The following CHUK variants were observed in gnomAD, a reference collection of about 807,000 sequenced individuals.
CHUK encodes inhibitor of nuclear factor kappa-B kinase subunit alpha.
In CHUK, 35 loss-of-function variants were observed where a neutral mutation model predicts 104.8. The observed-to-expected ratio is 0.33, with a 90% confidence interval of 0.26 to 0.44. The LOEUF is 0.44. Among genes scored for constraint, CHUK ranks in the 20% least tolerant of loss-of-function variants. The pLI, the probability that CHUK is intolerant of heterozygous loss-of-function variation, is 1.00. For synonymous variants in CHUK, 276 were observed against 291.9 expected (o/e 0.95, Z 0.56); for missense variants, 663 against 902.7 (o/e 0.73, Z 3.40).
chr10:100,197,358 A>G (rs1845357063), intron 16 of CHUK, among the ~76,000 whole-genome samples: 1 of 152,156 alleles, frequency 6.6e-6, no homozygotes, highest in Non-Finnish European at 1.5e-5. Context: ...TTGACTCTAC[A>G]TCAACTTTTA....
chr10:100,218,572 CAT>C, intron 8 of CHUK, 144 bp downstream of exon 8: 1 of 690,066 alleles, frequency 1.4e-6, no homozygotes, highest in South Asian at 1.6e-5. Context: ...TCAATAACCT[CAT>C]GTGGCCAACA....
rs114551538 is a variant in CHUK at position 100,204,180 on chromosome 10, T to A, written c.1507+326A>T. Among the ~76,000 whole-genome samples, 1,120 of 152,326 alleles carry A rather than the reference T, an allele frequency of 7.4e-3. 20 individuals are homozygous for A. The highest frequency in any genetic ancestry group is 0.025 in the African/African-American group (1,043 of 41,574). On this transcript the variant is annotated intron_variant, in intron 13 of 20. Transcript: ENST00000370397. ...TTCAACATATGTATTTTGGGGGGGATACATTCAGTCCACAGCACTGGCTAA... is the reference window on the plus strand; with the variant it reads ...TTCAACATATGTATTTTGGGGGGGAAACATTCAGTCCACAGCACTGGCTAA...
At chr10:100,217,774 G>A (rs1321630041) in intron 9 of CHUK, among the ~76,000 whole-genome samples, 3 of 152,180 alleles carry the variant, frequency 2.0e-5, no homozygotes, top group African/African-American at 7.2e-5. Context: ...CTACTCGGGA[G>A]GCTGAGGCAA....
At chr10:100,215,771 T>C (rs1845841532) in intron 9 of CHUK, among the ~76,000 whole-genome samples, 1 of 152,166 alleles carries the variant, frequency 6.6e-6, no homozygotes, top group Non-Finnish European at 1.5e-5. Context: ...TATATAAACA[T>C]TTTGGGAAAA....
At chr10:100,228,028 G>A (rs1188249799) in intron 1 of CHUK, among the ~76,000 whole-genome samples, 2 of 152,096 alleles carry the variant, frequency 1.3e-5, no homozygotes, top group East Asian at 1.9e-4. Context: ...AATTAATGAG[G>A]AGCATTATGA....
intron 16 of CHUK, chr10:100,195,797 CAAA>C (rs930928716): frequency 1.1e-4 from 16 of 152,214 alleles, no homozygotes; most frequent in African/African-American, 3.9e-4. Flanking sequence ...AGGTGACACT[CAAA>C]GAAGCTACCT....
At chr10:100,199,163 G>T (rs1373907879) in intron 16 of CHUK, among the ~76,000 whole-genome samples, 1 of 152,132 alleles carries the variant, frequency 6.6e-6, no homozygotes, top group Non-Finnish European at 1.5e-5. Flanking sequence ...TTTAGCAGAT[G>T]TTCAACTGGA....
Position 100,229,523 on chromosome 10 carries a change from G to T in CHUK, c.10C>A (p.Pro4Thr). The T allele has an allele frequency of 6.5e-7, 1 of 1,545,802 alleles. No individual in the cohort carries two copies. ...CCCGCGCCCGGCCGCAGCCCCGGGGGCCGCTCCATGGGGCGGGAGGGCAAG... is the reference window on the plus strand; with the variant it reads ...CCCGCGCCCGGCCGCAGCCCCGGGGTCCGCTCCATGGGGCGGGAGGGCAAG... MER[P>T]PGLRPGAGGP... The change falls in exon 1 of 21, where the codon CCC becomes ACC. Residue 4 changes from proline to threonine, a missense_variant. Physicochemically the swap from Pro to Thr is conservative, Grantham distance 38. Around this residue, in one of 5 missense-constraint regions of CHUK, gnomAD observed 44 missense variants for 39.2 expected, o/e 1.12. Transcript: ENST00000370397.
intron 1 of CHUK, among the ~76,000 whole-genome samples, chr10:100,228,985 GCGCGCGCGCACACA>G: frequency 1.1e-5 from 1 of 87,074 alleles, no homozygotes; most frequent in South Asian, 3.2e-4. Flanking sequence ...AAGCGCGCGC[GCGCGCGCGCACACA>G]CACACACACA....
chr10:100,186,624 AAAGT>A (rs1845011549), downstream of CHUK: 1 of 152,314 alleles, frequency 6.6e-6, no homozygotes. Context: ...CAGGGAGACC[AAAGT>A]AAGTACTTCA....
intron 4 of CHUK, 91 bp from the exon 5 acceptor site, chr10:100,220,767 T>C: frequency 1.3e-6 from 1 of 790,872 alleles, no homozygotes; most frequent in Non-Finnish European, 2.2e-6. Context: ...TCTACTCTGA[T>C]GCTCAAGTTT....
At chr10:100,211,777 A>T (rs1845733547) in intron 9 of CHUK, among the ~76,000 whole-genome samples, 2 of 152,222 alleles carry the variant, frequency 1.3e-5, no homozygotes, top group African/African-American at 4.8e-5. Flanking sequence ...TATTGTGAAT[A>T]ATGCTGCAAT....
intron 2 of CHUK, among the ~76,000 whole-genome samples, chr10:100,225,628 C>A (rs1472439231): frequency 6.6e-6 from 1 of 152,134 alleles, no homozygotes; most frequent in Non-Finnish European, 1.5e-5. Context: ...AATGGAATTG[C>A]TGGATCATAT....
At chr10:100,204,796 G>T in intron 12 of CHUK, 139 bp from the exon 13 acceptor site, 2 of 785,438 alleles carry the variant, frequency 2.5e-6, no homozygotes, top group Non-Finnish European at 4.0e-6. Context: ...AAATAACTGA[G>T]CTCTAGAATC....
chr10:100,196,096 G>A (rs1021572390), intron 16 of CHUK, among the ~76,000 whole-genome samples: 5 of 152,098 alleles, frequency 3.3e-5, no homozygotes, highest in Non-Finnish European at 7.4e-5. Flanking sequence ...GTGCCACGAC[G>A]CCTGGCCCAG....
Position 100,194,411 on chromosome 10 carries a change from A to G in CHUK, c.1826+14T>C. On this transcript the variant is annotated intron_variant, in intron 17 of 20. Transcript: ENST00000370397. ...ATCCTGGTTTTTCAGTAGGAAATGA[A>G]GCAATTTTCCTACCTCAAATGACCA... 1 of 1,555,466 alleles carries G rather than the reference A, an allele frequency of 6.4e-7. No individual in the cohort carries two copies. The highest frequency in any genetic ancestry group is 8.9e-7 in the Non-Finnish European group (1 of 1,126,498).
At chr10:100,227,052 T>C (rs1006998755) in intron 1 of CHUK, among the ~76,000 whole-genome samples, 7 of 152,210 alleles carry the variant, frequency 4.6e-5, no homozygotes, top group Non-Finnish European at 7.3e-5. Context: ...CTATGTCCCA[T>C]GCAGGCCTTT....
chr10:100,215,046 C>A (rs969953880), intron 9 of CHUK, among the ~76,000 whole-genome samples: 11 of 151,704 alleles, frequency 7.3e-5, no homozygotes, highest in Non-Finnish European at 5.9e-5. Context: ...ACCAGCCTGG[C>A]CAACATGGTG....
intron 16 of CHUK, chr10:100,195,059 T>C (rs1265940440): frequency 1.3e-5 from 2 of 152,800 alleles, no homozygotes; most frequent in Non-Finnish European, 2.9e-5. Flanking sequence ...GAAAGTTCCA[T>C]TTGAGGGCAG....
Sources: gnomAD v4.1 joint callset for allele counts (sites outside exome capture counted in the v4.1 genomes callset) on GRCh38, gnomAD v4.1.1 for gene constraint, gnomAD v4.1.1 regional missense constraint, MANE v1.5 for transcripts, NCBI Gene and HGNC (gene_info 2026-07-23, HGNC 2026-07-21) for gene names.